TLCD4: variants seen among roughly 807,000 people sequenced by gnomAD.
The protein encoded by TLCD4 is TLC domain containing 4.
A neutral mutation model predicts 24.2 loss-of-function variants in TLCD4; 7 were observed. That is an observed-to-expected ratio of 0.29 (90% CI 0.16 to 0.54). TLCD4 has a LOEUF of 0.54. Ranked by LOEUF, TLCD4 falls within the 20% of genes least tolerant of loss-of-function variation. The pLI is 0.95. For missense variants in TLCD4, 259 were observed against 313.9 expected (o/e 0.82, Z 1.32); for synonymous variants, 103 against 106.4 (o/e 0.97, Z 0.20).
At chr1:95,104,832 A>T in the TLCD4 span, among the ~76,000 whole-genome samples, 1 of 151,834 alleles carries the variant, frequency 6.6e-6, no homozygotes, top group Non-Finnish European at 1.5e-5. Context: ...GTTCAAGACC[A>T]GCCTGGCCAA....
upstream of TLCD4, among the ~76,000 whole-genome samples, chr1:95,115,484 C>T (rs899314095): frequency 1.3e-5 from 2 of 152,178 alleles, no homozygotes; most frequent in African/African-American, 4.8e-5. Context: ...ATTCTTCTAC[C>T]TCCTAAGGTC....
At chr1:95,123,596 C>G (rs904061450) in intron 1 of TLCD4, among the ~76,000 whole-genome samples, 3 of 152,132 alleles carry the variant, frequency 2.0e-5, no homozygotes, top group Admixed American at 1.3e-4. Flanking sequence ...CAGCTCCCAC[C>G]CTGGCTAGTT....
rs756836799 is a variant in TLCD4 at position 95,191,603 on chromosome 1, A to G, written c.527A>G (p.Asn176Ser). The change falls in exon 7 of 7, where the codon AAT becomes AGT. Residue 176 changes from asparagine to serine, a missense_variant. Physicochemically the swap from Asn to Ser is conservative, Grantham distance 46 (BLOSUM62 1). Coordinates refer to ENST00000370203, the MANE Select transcript of TLCD4 (RefSeq NM_152487.3). The stretch of plus-strand genomic sequence containing the variant: ...AAGTTTTCTAAAGCTATCGTTATCA[A>G]TGGAATACTCATGACAGTAGTATTC... The part of the protein sequence containing the change: ...YPKFSKAIVI[N>S]GILMTVVFFI... 1.9e-6 allele frequency: 3 copies of G among 1,614,162 alleles called. No homozygotes were observed. The highest frequency in any genetic ancestry group is 1.1e-5 in the South Asian group (1 of 91,048).
intron 6 of TLCD4, among the ~76,000 whole-genome samples, chr1:95,183,770 G>A (rs1419090492): frequency 1.3e-5 from 2 of 151,976 alleles, no homozygotes; most frequent in Non-Finnish European, 2.9e-5. Flanking sequence ...TCTGGGAGGC[G>A]GAGATTGCAG....
chr1:95,153,818 CATG>C (rs1677555903), intron 5 of TLCD4, among the ~76,000 whole-genome samples: 1 of 152,084 alleles, frequency 6.6e-6, no homozygotes, highest in Non-Finnish European at 1.5e-5. Context: ...ACTATAAGGA[CATG>C]ATGGCCTTGA....
intron 1 of TLCD4, among the ~76,000 whole-genome samples, chr1:95,123,655 G>A (rs1248173894): frequency 2.6e-5 from 4 of 152,190 alleles, no homozygotes; most frequent in Non-Finnish European, 5.9e-5. Context: ...AGGCCCTCCA[G>A]ACGTTTTCTC....
In TLCD4 at chr1:95,143,915, C is replaced by T; in HGVS notation, c.14C>T (p.Thr5Ile). The T allele has an allele frequency of 6.8e-7, 1 of 1,476,334 alleles. No individual in the cohort carries two copies. 91.5% of individuals were successfully genotyped at this position (1,476,334 alleles called of 1,614,324 possible). Residue 5 changes from threonine to isoleucine, a missense_variant, in exon 2 of 7, where the codon ACA becomes ATA. Physicochemically the swap from Thr to Ile is moderately conservative, Grantham distance 89. Coordinates refer to ENST00000370203, the MANE Select transcript of TLCD4 (RefSeq NM_152487.3). MEIN[T>I]KLLISVTCIS... is the part of the protein sequence containing the mutation. ...GGTTGAAGAAATATGGAGATCAACA[C>T]AAAACTGCTCATCAGTGTTACCTGT...
chr1:95,143,540 T>C (rs1677263306), intron 1 of TLCD4, among the ~76,000 whole-genome samples: 2 of 152,156 alleles, frequency 1.3e-5, no homozygotes, highest in South Asian at 4.1e-4. Context: ...AAGAAATCGA[T>C]TTGTCATAAA....
the TLCD4 span, among the ~76,000 whole-genome samples, chr1:95,106,327 AC>A: frequency 6.6e-6 from 1 of 152,230 alleles, no homozygotes; most frequent in Non-Finnish European, 1.5e-5. Flanking sequence ...AAAATCTGAG[AC>A]TTTAAACATA....
At chr1:95,101,314 C>T in the TLCD4 span, among the ~76,000 whole-genome samples, 19 of 152,104 alleles carry the variant, frequency 1.2e-4, no homozygotes, top group South Asian at 3.7e-3. Flanking sequence ...AGTACAGTGG[C>T]GTGATCATAG....
At chr1:95,170,985 A>G (rs1678194503) in intron 5 of TLCD4, among the ~76,000 whole-genome samples, 1 of 152,090 alleles carries the variant, frequency 6.6e-6, no homozygotes, top group African/African-American at 2.4e-5. Flanking sequence ...TTTGTTCCTT[A>G]TTATCTTTAA....
intron 6 of TLCD4, among the ~76,000 whole-genome samples, chr1:95,179,909 T>C (rs1384669923): frequency 1.3e-5 from 2 of 152,248 alleles, no homozygotes; most frequent in African/African-American, 4.8e-5. Flanking sequence ...CCCATCTCTT[T>C]CCAGGCTGAA....
At chr1:95,126,674 A>G (rs1676744666) in intron 1 of TLCD4, among the ~76,000 whole-genome samples, 1 of 152,152 alleles carries the variant, frequency 6.6e-6, no homozygotes, top group South Asian at 2.1e-4. Context: ...CATGGCTGGT[A>G]GTTGATACTG....
At chr1:95,147,219 G>A (rs1677379099) in intron 2 of TLCD4, among the ~76,000 whole-genome samples, 1 of 151,878 alleles carries the variant, frequency 6.6e-6, no homozygotes. Flanking sequence ...GATTACAGGT[G>A]TGTACCACCA....
chr1:95,184,815 A>G (rs1000910598), intron 6 of TLCD4, among the ~76,000 whole-genome samples: 2 of 152,184 alleles, frequency 1.3e-5, no homozygotes, highest in African/African-American at 4.8e-5. Context: ...ATTAGGTAAG[A>G]AGAGGTGGAT....
chr1:95,146,659 A>C (rs12076614), intron 2 of TLCD4, among the ~76,000 whole-genome samples: 18,583 of 152,142 alleles, frequency 0.12, 1,131 homozygotes, highest in Middle Eastern at 0.17. Flanking sequence ...AAAATATAAA[A>C]TTTTTATTAA....
At chr1:95,127,299 GAAA>G (rs1304181039) in intron 1 of TLCD4, among the ~76,000 whole-genome samples, 1 of 151,988 alleles carries the variant, frequency 6.6e-6, no homozygotes, top group African/African-American at 2.4e-5. Context: ...GCCACAAGAA[GAAA>G]AAAAGAAGGC....
At chr1:95,168,004 T>C (rs916671472) in intron 5 of TLCD4, among the ~76,000 whole-genome samples, 1 of 152,188 alleles carries the variant, frequency 6.6e-6, no homozygotes, top group Non-Finnish European at 1.5e-5. Flanking sequence ...CGACCTGGTG[T>C]TGGGACCATC....
chr1:95,112,166 C>G, the TLCD4 span, among the ~76,000 whole-genome samples: 1 of 152,014 alleles, frequency 6.6e-6, no homozygotes, highest in Non-Finnish European at 1.5e-5. Flanking sequence ...TGGCGACAAC[C>G]AAGAATATCT....
Sources: allele counts gnomAD v4.1 joint callset (sites outside exome capture counted in the v4.1 genomes callset), GRCh38; gene constraint gnomAD v4.1.1; transcripts MANE v1.5; gene names NCBI Gene and HGNC (gene_info 2026-07-23, HGNC 2026-07-21).